ING1: variants seen among roughly 807,000 people sequenced by gnomAD.
ING1 encodes inhibitor of growth protein 1.
Under a neutral mutation model 23.1 loss-of-function variants are expected in ING1, and 4 were observed. That is an observed-to-expected ratio of 0.17 (90% CI 0.09 to 0.40). ING1 has a LOEUF of 0.40. Among genes scored for constraint, ING1 ranks in the 10% least tolerant of loss-of-function variants. The pLI is 1.00. For synonymous variants in ING1, 179 were observed against 166.4 expected, an observed-to-expected ratio of 1.08 and a Z score of -0.58; for missense variants, 256 against 393.8, an observed-to-expected ratio of 0.65 and a Z score of 2.96.
At chr13:110,715,906 TG>T (rs780033582) in intron 1 of ING1, 1 of 1,583,082 alleles carries the variant, frequency 6.3e-7, no homozygotes, top group East Asian at 2.2e-5. Flanking sequence ...GGGCCGGGGC[TG>T]CAGTTCGGAC....
intron 1 of ING1, among the ~76,000 whole-genome samples, chr13:110,717,193 T>C (rs2064131118): frequency 6.6e-6 from 1 of 152,232 alleles, no homozygotes; most frequent in African/African-American, 2.4e-5. Context: ...GGTACACATA[T>C]TTTAACATTA....
At chr13:110,712,824 C>T, upstream of ING1, 1 of 887,990 alleles carries the variant, frequency 1.1e-6, no homozygotes, top group Non-Finnish European at 1.8e-6. Context: ...TTCTGGGGCT[C>T]GGCACTAGGA....
At position 110,716,139 on chromosome 13, in the gene ING1, A is replaced by G. The variant is rs956375862; in HGVS notation, c.136+1854A>G. 6 of 936,318 alleles carry G rather than the reference A, an allele frequency of 6.4e-6. No homozygotes were observed. The Admixed American group carries it at 1.5e-4, about 23-fold the overall frequency. The allele number at this position is 936,318 out of a possible 1,614,324, so 58.0% of individuals were successfully genotyped here. A position where few individuals can be genotyped will look rare whatever the true frequency, so the allele number is the denominator to read the frequency against. On this transcript the variant is annotated intron_variant, in intron 1 of 1. Coordinates refer to ENST00000333219, the MANE Select transcript of ING1 (RefSeq NM_198219.3). The stretch of plus-strand genomic sequence containing the variant: ...CCGGACGGAAGGAAGGCAGGGGCTG[A>G]GACCACTTTGATCGTTCGACGATAG...
At chr13:110,714,673 C>A (rs1374136937) in intron 1 of ING1, among the ~76,000 whole-genome samples, 1 of 152,136 alleles carries the variant, frequency 6.6e-6, no homozygotes, top group Non-Finnish European at 1.5e-5. Flanking sequence ...GGCGCCGAGA[C>A]GGGGCTGCAG....
upstream of ING1, chr13:110,713,583 GA>G: frequency 1.0e-6 from 1 of 985,846 alleles, no homozygotes; most frequent in Non-Finnish European, 1.2e-6. Flanking sequence ...CAGGGCCTGG[GA>G]CGGTGAGGGG....
chr13:110,719,841 A>G lies in ING1; in HGVS notation c.749A>G (p.Lys250Arg). The G allele has an allele frequency of 6.2e-7, 1 of 1,613,994 alleles. No homozygotes were observed. Among genetic ancestry groups the G allele is most frequent in the Admixed American group, 1.7e-5 (1 of 60,000 alleles). ...CVGLNHKPKG[K>R]WYCPKCRGEN... ...GGGCTCAATCATAAACCCAAGGGCA[A>G]GTGGTACTGTCCCAAGTGCCGGGGG... The change falls in exon 2 of 2, where the codon AAG (lysine) becomes AGG (arginine). Residue 250 changes from lysine to arginine, a missense_variant. Transcript: ENST00000333219. This position sits in a 1 kb window ranked among gnomAD's most constrained non-coding sequence, Gnocchi z 8.9.
rs936939145 is a variant in ING1 at position 110,719,725 on chromosome 13, G to A, written c.633G>A (p.Thr211=). The change falls in exon 2 of 2, where the codon ACG becomes ACA. Residue 211 remains threonine (T), a synonymous_variant. Coordinates refer to ENST00000333219, the MANE Select transcript of ING1 (RefSeq NM_198219.3). The surrounding 1 kb of genome is among the most constrained non-coding windows in gnomAD (Gnocchi z 8.9). Reference sequence around the variant, plus strand: ...TCCCCATCGACCCCAACGAACCCACGTACTGTCTGTGCAACCAGGTCTCCT... The same window carrying A: ...TCCCCATCGACCCCAACGAACCCACATACTGTCTGTGCAACCAGGTCTCCT... ...ADLPIDPNEP[T]YCLCNQVSYG... 1.2e-6 allele frequency: 2 copies of A among 1,613,966 alleles called. No homozygotes were observed.
upstream of ING1, chr13:110,713,072 C>T: frequency 6.9e-7 from 1 of 1,446,938 alleles, no homozygotes; most frequent in Non-Finnish European, 9.1e-7. Flanking sequence ...CCCGGCCCTC[C>T]CCTTCCTTCC....
chr13:110,712,849 C>T, upstream of ING1: 1 of 1,121,632 alleles, frequency 8.9e-7, no homozygotes, highest in Non-Finnish European at 1.3e-6. Context: ...GCTTCCCTCT[C>T]AGGCCCCTTT....
upstream of ING1, chr13:110,713,580 T>G: frequency 9.1e-6 from 9 of 985,704 alleles, no homozygotes; most frequent in Non-Finnish European, 9.6e-6. Flanking sequence ...CCCCAGGGCC[T>G]GGGACGGTGA....
intron 1 of ING1, among the ~76,000 whole-genome samples, chr13:110,716,789 A>G (rs1295889676): frequency 2.0e-5 from 3 of 152,212 alleles, no homozygotes; most frequent in Non-Finnish European, 4.4e-5. Context: ...GTTTGGAAAA[A>G]AGGCAGTAGT....
chr13:110,717,622 T>C (rs368568411), intron 1 of ING1, among the ~76,000 whole-genome samples: 25 of 152,064 alleles, frequency 1.6e-4, no homozygotes, highest in African/African-American at 6.0e-4. Context: ...AGGTCGAGAG[T>C]TGGGAGACCA....
Position 110,719,458 on chromosome 13 carries a change from A to G in ING1, c.366A>G (p.Thr122=), listed in dbSNP as rs754248788. The part of the protein sequence containing the change: ...LFEAQQELGD[T]AGNSGKAGAD... Reference sequence around the variant, plus strand: ...AGGCGCAGCAGGAGCTGGGCGACACAGCGGGCAACAGCGGCAAGGCTGGCG... The same window carrying G: ...AGGCGCAGCAGGAGCTGGGCGACACGGCGGGCAACAGCGGCAAGGCTGGCG... The change falls in exon 2 of 2, where the codon ACA becomes ACG. Residue 122 remains threonine, a synonymous_variant. Transcript: ENST00000333219. This position sits in a 1 kb window ranked among gnomAD's most constrained non-coding sequence, Gnocchi z 8.9. 6.2e-7 allele frequency: 1 copy of G among 1,612,806 alleles called. No individual in the cohort carries two copies. Among genetic ancestry groups the G allele is most frequent in the Non-Finnish European group, 8.5e-7 (1 of 1,179,582 alleles).
At chr13:110,712,864 C>T (rs1307706672), upstream of ING1, 4 of 1,292,514 alleles carry the variant, frequency 3.1e-6, no homozygotes, top group East Asian at 1.0e-4. Context: ...CCCTTTGTCT[C>T]CAAGCCGTTC....
chr13:110,712,983 T>C (rs767870246), upstream of ING1: 1 of 1,554,336 alleles, frequency 6.4e-7, no homozygotes, highest in South Asian at 1.2e-5. Context: ...AATGGGTAGG[T>C]CTCCCGCGCA....
chr13:110,715,018 C>CG (rs537817203), intron 1 of ING1: 619 of 992,812 alleles, frequency 6.2e-4, no homozygotes, highest in East Asian at 1.4e-3. Flanking sequence ...GCGCTGCGCT[C>CG]GGGGGGGCGC....
Position 110,721,183 on chromosome 13 carries a change from C to T in ING1, c.*1251C>T, listed in dbSNP as rs906642023. On this transcript the variant is annotated 3_prime_UTR_variant, in exon 2 of 2. Transcript: ENST00000333219. ...GACAAGCCAAAACTATTTTCTGGCC[C>T]TCTGCAGAAAGGGTTTGCTGACCTC... is the stretch of plus-strand genomic sequence containing the variant. The T allele has an allele frequency of 2.5e-5, 4 of 161,016 alleles. No individual in the cohort carries two copies. Among genetic ancestry groups the T allele is most frequent in the African/African-American group, 9.6e-5 (4 of 41,456 alleles). 10.0% of individuals were successfully genotyped at this position (161,016 alleles called of 1,614,324 possible).
chr13:110,712,984 C>T (rs528299088), upstream of ING1: 2 of 1,552,422 alleles, frequency 1.3e-6, no homozygotes, highest in Non-Finnish European at 8.7e-7. Flanking sequence ...ATGGGTAGGT[C>T]TCCCGCGCAC....
intron 1 of ING1, chr13:110,715,111 T>C (rs1379263406): frequency 1.9e-6 from 2 of 1,080,834 alleles, no homozygotes; most frequent in Non-Finnish European, 2.2e-6. Flanking sequence ...GCCCCGGGTG[T>C]CAGAGAGAGG....
Sources: allele counts gnomAD v4.1 joint callset (sites outside exome capture counted in the v4.1 genomes callset), GRCh38; gene constraint gnomAD v4.1.1; non-coding constraint Gnocchi (gnomAD v3.1); transcripts MANE v1.5; gene names NCBI Gene and HGNC (gene_info 2026-07-23, HGNC 2026-07-21).